The following ZBED4 variants were observed in gnomAD, a reference collection of about 807,000 sequenced individuals.
ZBED4 encodes the protein zinc finger BED domain-containing protein 4.
ZBED4 carries 4 observed loss-of-function variants against 15.5 expected under a neutral mutation model. That is an observed-to-expected ratio of 0.26 (90% confidence interval 0.13 to 0.59). The LOEUF (loss-of-function observed/expected upper bound fraction) is 0.59, where lower values mean the gene tolerates loss of function less well. ZBED4 is among the 20% of genes least tolerant of loss of function. The pLI is 0.90. For missense variants in ZBED4, 1,323 were observed against 1,461.8 expected, an observed-to-expected ratio of 0.91 and a Z score of 1.55; for synonymous variants, 692 against 608.5, an observed-to-expected ratio of 1.14 and a Z score of -2.02.
chr22:49,864,466 C>T (rs1254703341), intron 1 of ZBED4, among the ~76,000 whole-genome samples: 2 of 152,154 alleles, frequency 1.3e-5, no homozygotes, highest in East Asian at 1.9e-4. Flanking sequence ...ACAGATGCTT[C>T]GCAACTCAGG....
At position 49,885,425 on chromosome 22, in the gene ZBED4, G is replaced by A. The variant is rs776530063; in HGVS notation, c.1763G>A (p.Arg588Gln). ...TTGCACTGTGGCCGGACCATCAGCC[G>A]GGGGAAGAAGCCGACTAACTTGGGT... ...VCLHCGRTISRGKKPTNLGTS... is the reference protein window; with the variant it reads ...VCLHCGRTISQGKKPTNLGTS... Residue 588 changes from arginine to glutamine, a missense_variant, in exon 2 of 2, where the codon CGG becomes CAG. Physicochemically the swap from Arg to Gln is conservative, Grantham distance 43 (BLOSUM62 1). Around this residue, in one of 6 missense-constraint regions of ZBED4, gnomAD observed 429 missense variants for 397.9 expected, o/e 1.08. Coordinates refer to ENST00000216268, the MANE Select transcript of ZBED4 (RefSeq NM_014838.3). 11 of 1,608,490 alleles carry A rather than the reference G, an allele frequency of 6.8e-6. No individual in the cohort carries two copies. Among genetic ancestry groups the A allele is most frequent in the East Asian group, 2.2e-5 (1 of 44,704 alleles).
chr22:49,874,193 C>T (rs575968420), intron 1 of ZBED4, among the ~76,000 whole-genome samples: 3 of 151,926 alleles, frequency 2.0e-5, no homozygotes, highest in Admixed American at 6.5e-5. Context: ...GGGAAGCACT[C>T]ACTCTTTCAC....
At chr22:49,859,419 C>G (rs2060287855) in intron 1 of ZBED4, among the ~76,000 whole-genome samples, 1 of 152,042 alleles carries the variant, frequency 6.6e-6, no homozygotes, top group African/African-American at 2.4e-5. Context: ...GTTGGGAGCC[C>G]CTTCCAAGCT....
rs1476689369 is a variant in ZBED4 at position 49,889,110 on chromosome 22, G to A, written c.*1932G>A. On this transcript the variant is annotated 3_prime_UTR_variant, in exon 2 of 2. Coordinates refer to ENST00000216268, the MANE Select transcript of ZBED4 (RefSeq NM_014838.3). ...CTCATTCATTCAACTGAGATGAAGT[G>A]CCCTCCCTTTTCCAGGGCCTGGGCT... 1 of 167,224 alleles carries A rather than the reference G, an allele frequency of 6.0e-6. No individual in the cohort carries two copies. Among genetic ancestry groups the A allele is most frequent in the Admixed American group, 6.5e-5 (1 of 15,290 alleles). 10.4% of individuals were successfully genotyped at this position (167,224 alleles called of 1,614,324 possible).
chr22:49,877,149 A>G (rs1470312784), intron 1 of ZBED4, among the ~76,000 whole-genome samples: 1 of 152,200 alleles, frequency 6.6e-6, no homozygotes, highest in Non-Finnish European at 1.5e-5. Flanking sequence ...AAAAAGATTA[A>G]GCTATTTGTG....
chr22:49,857,947 A>G (rs974227070), intron 1 of ZBED4, among the ~76,000 whole-genome samples: 2 of 150,746 alleles, frequency 1.3e-5, no homozygotes, highest in South Asian at 4.2e-4. Context: ...CATTTTTAGT[A>G]GAGACGGGGT....
chr22:49,885,437 C>G lies in ZBED4; in HGVS notation c.1775C>G (p.Pro592Arg). 1 of 1,609,780 alleles carries G rather than the reference C, an allele frequency of 6.2e-7. No homozygotes were observed. Among genetic ancestry groups the G allele is most frequent in the Non-Finnish European group, 8.5e-7 (1 of 1,176,330 alleles). ...CGRTISRGKK[P>R]TNLGTSCLLR... ...CGGACCATCAGCCGGGGGAAGAAGC[C>G]GACTAACTTGGGTACCAGCTGTCTT... Residue 592 changes from proline (P) to arginine (R), a missense_variant, in exon 2 of 2, where the codon CCG becomes CGG. Around this residue, in one of 6 missense-constraint regions of ZBED4, gnomAD observed 429 missense variants for 397.9 expected, o/e 1.08. Transcript: ENST00000216268.
In ZBED4 at chr22:49,886,967, C is replaced by G. The variant is rs1467457215; in HGVS notation, c.3305C>G (p.Thr1102Ser). 1 of 1,614,082 alleles carries G rather than the reference C, an allele frequency of 6.2e-7. No homozygotes were observed. Among genetic ancestry groups the G allele is most frequent in the Non-Finnish European group, 8.5e-7 (1 of 1,180,046 alleles). Residue 1102 changes from threonine to serine, a missense_variant, in exon 2 of 2, where the codon ACC (threonine) becomes AGC (serine). By Grantham distance (58) the Thr-to-Ser change is moderately conservative (BLOSUM62 1). Around this residue, in one of 6 missense-constraint regions of ZBED4, gnomAD observed 312 missense variants for 410.7 expected, o/e 0.76. Coordinates refer to ENST00000216268, the MANE Select transcript of ZBED4 (RefSeq NM_014838.3). This position sits in a 1 kb window ranked among gnomAD's most constrained non-coding sequence, Gnocchi z 7.7. ...EVLEHSCDPL[T>S]YWNLKKASWP... ...CTTGAACACAGCTGTGACCCGCTCA[C>G]CTACTGGAACCTGAAGAAGGCGTCC...
At chr22:49,858,214 T>G (rs1345152128) in intron 1 of ZBED4, among the ~76,000 whole-genome samples, 1 of 152,224 alleles carries the variant, frequency 6.6e-6, no homozygotes, top group East Asian at 1.9e-4. Context: ...CTTCTCAGTT[T>G]AGCCCAGACC....
At chr22:49,859,268 G>GAC (rs2147499982) in intron 1 of ZBED4, among the ~76,000 whole-genome samples, 1 of 152,194 alleles carries the variant, frequency 6.6e-6, no homozygotes, top group East Asian at 1.9e-4. Flanking sequence ...TGGTCTAGTA[G>GAC]ACACCTCTGT....
chr22:49,880,891 C>T (rs967553011), intron 1 of ZBED4, among the ~76,000 whole-genome samples: 4 of 152,134 alleles, frequency 2.6e-5, no homozygotes, highest in Non-Finnish European at 4.4e-5. Context: ...GTTTAAAAGC[C>T]TTTAATTTCA....
intron 1 of ZBED4, among the ~76,000 whole-genome samples, chr22:49,864,687 G>A (rs2147509493): frequency 6.6e-6 from 1 of 152,058 alleles, no homozygotes. Flanking sequence ...CAGGTGTGGT[G>A]ACACTCAGGT....
Position 49,875,935 on chromosome 22 carries a change from AT to A in ZBED4, c.-329-7391del, listed in dbSNP as rs561181540. ...CAAGAACCAGAGTTTGGTTTCATTG[AT>A]TTTTTTTCTTTTTTTTTTATTTCAT... On this transcript the variant is annotated intron_variant, in intron 1 of 1. Coordinates refer to ENST00000216268, the MANE Select transcript of ZBED4 (RefSeq NM_014838.3). 6.2e-3 allele frequency among the ~76,000 whole-genome samples: 541 copies of A among 87,656 alleles called. 2 individuals carry two copies. The highest frequency in any genetic ancestry group is 0.014 in the African/African-American group (508 of 36,050). The allele number at this position is 87,656 out of a possible 152,430, so 57.5% of individuals were successfully genotyped here. A position where few individuals can be genotyped will look rare whatever the true frequency, so the allele number is the denominator to read the frequency against.
chr22:49,880,056 T>C (rs2060400554), intron 1 of ZBED4, among the ~76,000 whole-genome samples: 1 of 152,100 alleles, frequency 6.6e-6, no homozygotes. Flanking sequence ...TTTTGTTATA[T>C]TCCTTTAAAT....
At chr22:49,863,928 C>T (rs2060308814) in intron 1 of ZBED4, among the ~76,000 whole-genome samples, 1 of 152,222 alleles carries the variant, frequency 6.6e-6, no homozygotes, top group South Asian at 2.1e-4. Context: ...CCCCTACAAG[C>T]TGGCTCCTGG....
chr22:49,873,643 GAA>G (rs10712037), intron 1 of ZBED4, among the ~76,000 whole-genome samples: 32 of 152,002 alleles, frequency 2.1e-4, no homozygotes, highest in African/African-American at 7.2e-4. Context: ...CAATTTGGGG[GAA>G]AAAAAAGTAT....
chr22:49,854,356 T>G (rs971353042), intron 1 of ZBED4, among the ~76,000 whole-genome samples: 9 of 149,916 alleles, frequency 6.0e-5, no homozygotes, highest in Non-Finnish European at 1.2e-4. Context: ...CCACGTCGAG[T>G]TAACCCCGCG....
chr22:49,871,531 G>C lies in ZBED4; in HGVS notation c.-329-11803G>C, dbSNP rs146908035. Among the ~76,000 whole-genome samples the C allele has an allele frequency of 2.6e-3, 393 of 152,078 alleles. 9 individuals are homozygous for C. The highest frequency in any genetic ancestry group is 9.0e-3 in the African/African-American group (375 of 41,502). ...TTCAGTATAATGTAGTCTGGTAAGCGTGCAATAGCATGACGTCTAAAACAA... is the reference window on the plus strand; with the variant it reads ...TTCAGTATAATGTAGTCTGGTAAGCCTGCAATAGCATGACGTCTAAAACAA... On this transcript the variant is annotated intron_variant, in intron 1 of 1. Transcript: ENST00000216268.
Position 49,885,479 on chromosome 22 carries a change from G to A in ZBED4, c.1817G>A (p.Arg606Gln), listed in dbSNP as rs371556038. The change falls in exon 2 of 2, where the codon CGG becomes CAG. Residue 606 changes from arginine to glutamine, a missense_variant. Arg to Gln is a conservative substitution (Grantham distance 43). Coordinates refer to ENST00000216268, the MANE Select transcript of ZBED4 (RefSeq NM_014838.3). ...GTSCLLRHLQ[R>Q]FHSNVLKTEV... Reference sequence around the variant, plus strand: ...AGCTGTCTTCTGAGACATTTACAGCGGTTCCATAGCAACGTGCTGAAAACT... The same window carrying A: ...AGCTGTCTTCTGAGACATTTACAGCAGTTCCATAGCAACGTGCTGAAAACT... 20 of 1,612,544 alleles carry A rather than the reference G, an allele frequency of 1.2e-5. No individual in the cohort carries two copies. The highest frequency in any genetic ancestry group is 1.3e-5 in the Non-Finnish European group (15 of 1,178,622).
Sources: gnomAD v4.1 joint callset for allele counts (sites outside exome capture counted in the v4.1 genomes callset) on GRCh38, gnomAD v4.1.1 for gene constraint, gnomAD v4.1.1 regional missense constraint, Gnocchi (gnomAD v3.1) non-coding constraint, MANE v1.5 for transcripts, NCBI Gene and HGNC (gene_info 2026-07-23, HGNC 2026-07-21) for gene names.